Variants in TFDP2 observed in about 807,000 individuals in gnomAD.
The protein encoded by TFDP2 is transcription factor Dp-2.
TFDP2 carries 17 observed loss-of-function variants against 59.3 expected under a neutral mutation model. The observed-to-expected ratio is 0.29, with a 90% CI of 0.20 to 0.43. The LOEUF is 0.43. Ranked by LOEUF, TFDP2 falls within the 20% of genes least tolerant of loss-of-function variation. TFDP2 has a pLI of 1.00. For missense variants in TFDP2, 391 were observed against 528.8 expected (o/e 0.74, Z 2.56); for synonymous variants, 180 against 194.7 (o/e 0.92, Z 0.63).
intron 3 of TFDP2, among the ~76,000 whole-genome samples, chr3:142,011,602 G>GAAAAAAAAAAAAAAAAAA (rs548076797): frequency 4.7e-4 from 30 of 64,064 alleles, no homozygotes; most frequent in East Asian, 1.1e-3. Context: ...AAAAAAAAAA[G>GAAAAAAAAAAAAAAAAAA]AAAAAAAAAA....
At chr3:142,069,443 C>G (rs1403226811) in intron 3 of TFDP2, among the ~76,000 whole-genome samples, 2 of 151,904 alleles carry the variant, frequency 1.3e-5, no homozygotes, top group Non-Finnish European at 1.5e-5. Flanking sequence ...AAATAAATTC[C>G]TAGAATTGAG....
At chr3:142,119,337 T>C (rs1334060079) in intron 1 of TFDP2, among the ~76,000 whole-genome samples, 1 of 152,120 alleles carries the variant, frequency 6.6e-6, no homozygotes, top group Non-Finnish European at 1.5e-5. Flanking sequence ...AAAGATAAAT[T>C]ATTTACAAAA....
At chr3:142,122,183 A>G (rs989879221) in intron 1 of TFDP2, among the ~76,000 whole-genome samples, 4 of 152,236 alleles carry the variant, frequency 2.6e-5, no homozygotes, top group Admixed American at 1.3e-4. Flanking sequence ...AAGAAAATCC[A>G]TAACATTATA....
At chr3:142,082,667 T>C (rs1053640975) in intron 3 of TFDP2, among the ~76,000 whole-genome samples, 5 of 152,322 alleles carry the variant, frequency 3.3e-5, no homozygotes, top group African/African-American at 1.2e-4. Context: ...AAAAAGATCA[T>C]TGATCATGAC....
At chr3:142,130,002 T>C (rs1392594585) in intron 1 of TFDP2, among the ~76,000 whole-genome samples, 1 of 151,978 alleles carries the variant, frequency 6.6e-6, no homozygotes, top group African/African-American at 2.4e-5. Flanking sequence ...GAATGTAAAG[T>C]GGTACAGTCA....
intron 3 of TFDP2, among the ~76,000 whole-genome samples, chr3:142,052,266 G>A (rs1275121198): frequency 5.3e-5 from 8 of 152,012 alleles, no homozygotes; most frequent in Non-Finnish European, 7.4e-5. Flanking sequence ...GGCCGTGCGC[G>A]GTGGCTCACG....
chr3:142,098,466 C>T (rs976289201), intron 2 of TFDP2, among the ~76,000 whole-genome samples: 2 of 151,796 alleles, frequency 1.3e-5, no homozygotes, highest in African/African-American at 4.8e-5. Context: ...AATCCTACAT[C>T]TCATGTAGTT....
At chr3:142,017,828 G>C (rs1021782471) in intron 3 of TFDP2, among the ~76,000 whole-genome samples, 3 of 152,282 alleles carry the variant, frequency 2.0e-5, no homozygotes, top group East Asian at 1.9e-4. Context: ...TGGGATTACA[G>C]GCGTGAGCCA....
At chr3:141,997,849 CAAAAAAA>C (rs3058569) in intron 4 of TFDP2, among the ~76,000 whole-genome samples, 11 of 84,002 alleles carry the variant, frequency 1.3e-4, no homozygotes, top group Middle Eastern at 6.2e-3. Context: ...GACTCCATCT[CAAAAAAA>C]AAAAAAAAAA....
At chr3:141,968,981 G>T (rs1416111408) in intron 9 of TFDP2, among the ~76,000 whole-genome samples, 35 of 74,662 alleles carry the variant, frequency 4.7e-4, no homozygotes, top group South Asian at 7.8e-4. Context: ...CATATATATA[G>T]ATATATATAA....
chr3:142,132,516 T>C (rs1236460365), intron 1 of TFDP2, among the ~76,000 whole-genome samples: 2 of 149,470 alleles, frequency 1.3e-5, no homozygotes, highest in African/African-American at 5.1e-5. Context: ...GAGGCTGAGG[T>C]GGGCAGATCA....
intron 1 of TFDP2, among the ~76,000 whole-genome samples, chr3:142,115,470 G>A (rs975602667): frequency 4.6e-5 from 7 of 151,830 alleles, no homozygotes; most frequent in African/African-American, 1.5e-4. Flanking sequence ...AGGCGCCCAC[G>A]ACTGCACCTG....
At chr3:142,035,305 T>C (rs372518661) in intron 3 of TFDP2, among the ~76,000 whole-genome samples, 22 of 152,340 alleles carry the variant, frequency 1.4e-4, no homozygotes, top group African/African-American at 4.3e-4. Flanking sequence ...AAGCATGCCA[T>C]ACAAAAACCT....
At chr3:142,131,053 CAAAA>C (rs1223900505) in intron 1 of TFDP2, among the ~76,000 whole-genome samples, 1 of 79,430 alleles carries the variant, frequency 1.3e-5, no homozygotes. Flanking sequence ...AACTACGTCT[CAAAA>C]AAAAAAAAAA....
intron 6 of TFDP2, among the ~76,000 whole-genome samples, chr3:141,991,711 T>C (rs1459738771): frequency 2.0e-5 from 3 of 151,554 alleles, no homozygotes; most frequent in Admixed American, 2.0e-4. Context: ...ATTGCGCTAC[T>C]GCACTCCAGC....
At chr3:141,999,804 C>T (rs112821151) in intron 4 of TFDP2, among the ~76,000 whole-genome samples, 10,597 of 150,880 alleles carry the variant, frequency 0.07, 470 homozygotes, top group Non-Finnish European at 0.11. Flanking sequence ...GGCGTGATCT[C>T]AGCTCACTGC....
chr3:142,034,504 T>C (rs1946591012), intron 3 of TFDP2, among the ~76,000 whole-genome samples: 1 of 152,178 alleles, frequency 6.6e-6, no homozygotes, highest in African/African-American at 2.4e-5. Flanking sequence ...GACATTGTCC[T>C]TATCCTCAAA....
intron 3 of TFDP2, among the ~76,000 whole-genome samples, chr3:142,091,672 C>T (rs997631347): frequency 3.3e-5 from 5 of 152,044 alleles, no homozygotes; most frequent in Non-Finnish European, 7.4e-5. Flanking sequence ...GTACCAGGGA[C>T]CAGTTTCGTG....
chr3:142,046,948 T>C (rs1416721967), intron 3 of TFDP2, among the ~76,000 whole-genome samples: 2 of 152,142 alleles, frequency 1.3e-5, no homozygotes, highest in African/African-American at 4.8e-5. Flanking sequence ...ACATTCAACC[T>C]GGGAAAAGCA....
Sources: allele counts gnomAD v4.1 joint callset (sites outside exome capture counted in the v4.1 genomes callset), GRCh38; gene constraint gnomAD v4.1.1; transcripts MANE v1.5; gene names NCBI Gene and HGNC (gene_info 2026-07-23, HGNC 2026-07-21).